The following KCNQ5 variants were observed in gnomAD, a reference collection of about 807,000 sequenced individuals.
The protein encoded by KCNQ5 is potassium voltage-gated channel subfamily Q member 5, also known as potassium voltage-gated channel subfamily KQT member 5.
In KCNQ5, 30 loss-of-function variants were observed where a neutral mutation model predicts 98.2. The ratio of observed to expected loss-of-function variants is 0.31; its 90% CI spans 0.23 to 0.41. The LOEUF (loss-of-function observed/expected upper bound fraction) is 0.41, where lower values mean the gene tolerates loss of function less well. Among genes scored for constraint, KCNQ5 ranks in the 10% least tolerant of loss-of-function variants. The pLI, the probability that KCNQ5 is intolerant of heterozygous loss-of-function variation, is 1.00. For missense variants in KCNQ5, 835 were observed against 1,182.5 expected, an observed-to-expected ratio of 0.71 and a Z score of 4.31; for synonymous variants, 458 against 449.4, an observed-to-expected ratio of 1.02 and a Z score of -0.24.
intron 1 of KCNQ5, among the ~76,000 whole-genome samples, chr6:72,917,815 C>T (rs1780221421): frequency 6.6e-6 from 1 of 152,090 alleles, no homozygotes; most frequent in South Asian, 2.1e-4. Flanking sequence ...GAAGGAAGGA[C>T]ATGCCCAAGA....
At chr6:72,726,210 T>TAAA (rs1561944389) in intron 1 of KCNQ5, among the ~76,000 whole-genome samples, 3 of 116,186 alleles carry the variant, frequency 2.6e-5, no homozygotes, top group African/African-American at 9.1e-5. Context: ...AAATTTAAAT[T>TAAA]TTTTTTTTTT....
At chr6:72,818,235 T>C (rs1251248327) in intron 1 of KCNQ5, among the ~76,000 whole-genome samples, 2 of 152,196 alleles carry the variant, frequency 1.3e-5, no homozygotes, top group African/African-American at 4.8e-5. Context: ...GGAAATTTCA[T>C]TGAGAAATCA....
chr6:73,113,101 T>G (rs899940886), intron 7 of KCNQ5, among the ~76,000 whole-genome samples: 9 of 152,170 alleles, frequency 5.9e-5, no homozygotes, highest in Non-Finnish European at 1.3e-4. Flanking sequence ...AGTCACACAC[T>G]TTAGGACACA....
chr6:72,885,487 A>T (rs760555846), intron 1 of KCNQ5, among the ~76,000 whole-genome samples: 2 of 152,222 alleles, frequency 1.3e-5, no homozygotes, highest in African/African-American at 4.8e-5. Context: ...TTTAAAAAGA[A>T]TGTACTAAAT....
At chr6:72,988,230 T>A (rs540246700) in intron 1 of KCNQ5, among the ~76,000 whole-genome samples, 24 of 152,266 alleles carry the variant, frequency 1.6e-4, no homozygotes, top group Non-Finnish European at 3.1e-4. Context: ...ATGAAATGGG[T>A]GCTATTATTA....
chr6:72,786,789 G>A lies in KCNQ5; in HGVS notation c.398+164202G>A, dbSNP rs779759715. The stretch of plus-strand genomic sequence containing the variant: ...TGGGAGGCAGAGGCGGGCGGATCAC[G>A]AGGTCAGGAGATTGAGACCATCCTG... On this transcript the variant is annotated intron_variant, in intron 1 of 13. Coordinates refer to ENST00000370398, the MANE Select transcript of KCNQ5 (RefSeq NM_019842.4). Among the ~76,000 whole-genome samples the A allele has an allele frequency of 4.6e-5, 7 of 151,854 alleles. No homozygotes were observed. The East Asian group carries it at 9.7e-4, about 21-fold the overall frequency.
chr6:72,874,716 G>A (rs1199052713), intron 1 of KCNQ5, among the ~76,000 whole-genome samples: 1 of 152,108 alleles, frequency 6.6e-6, no homozygotes, highest in Middle Eastern at 3.2e-3. Flanking sequence ...CAGCACACAA[G>A]AAACTGAGTG....
intron 1 of KCNQ5, among the ~76,000 whole-genome samples, chr6:72,795,752 A>T (rs1013669927): frequency 5.3e-5 from 8 of 152,212 alleles, no homozygotes; most frequent in Admixed American, 1.3e-4. Flanking sequence ...CCAAAAGTTT[A>T]CACAAAAATT....
In KCNQ5 at chr6:73,195,664, A is replaced by G. The variant is rs926485339; in HGVS notation, c.*250A>G. On this transcript the variant is annotated 3_prime_UTR_variant, in exon 14 of 14. Transcript: ENST00000370398. ...AGTTAAAAAGCCTGAGAAACCAAAC[A>G]CAGCTAATGCTATGGGGTGTATGAA... is the stretch of plus-strand genomic sequence containing the variant. The G allele has an allele frequency of 8.3e-6, 4 of 483,364 alleles. No individual in the cohort carries two copies. The Admixed American group carries it at 1.4e-4, about 16-fold the overall frequency. 29.9% of individuals were successfully genotyped at this position (483,364 alleles called of 1,614,324 possible). A position where few individuals can be genotyped will look rare whatever the true frequency, so the allele number is the denominator to read the frequency against.
chr6:73,000,931 C>T (rs1459985843), intron 1 of KCNQ5, among the ~76,000 whole-genome samples: 1 of 152,180 alleles, frequency 6.6e-6, no homozygotes, highest in African/African-American at 2.4e-5. Context: ...CCACTTAGCT[C>T]CAGACTCCCA....
At chr6:72,860,500 T>C (rs762297991) in intron 1 of KCNQ5, among the ~76,000 whole-genome samples, 2 of 152,114 alleles carry the variant, frequency 1.3e-5, no homozygotes, top group African/African-American at 4.8e-5. Context: ...ATGGGAGTAA[T>C]GATATAGAAA....
Position 72,704,890 on chromosome 6 carries a change from A to C in KCNQ5, c.398+82303A>C, listed in dbSNP as rs537792772. Among the ~76,000 whole-genome samples the C allele has an allele frequency of 2.0e-5, 3 of 152,252 alleles. No homozygotes were observed. The East Asian group carries it at 5.8e-4, about 29-fold the overall frequency. ...TTACAGAGAAAATGTTAACTTTGTAAATTTTGTTATGCCCCCCTCAGTTCA... is the reference window on the plus strand; with the variant it reads ...TTACAGAGAAAATGTTAACTTTGTACATTTTGTTATGCCCCCCTCAGTTCA... On this transcript the variant is annotated intron_variant, in intron 1 of 13. Transcript: ENST00000370398.
At chr6:72,799,323 G>A (rs1334102001) in intron 1 of KCNQ5, among the ~76,000 whole-genome samples, 1 of 152,104 alleles carries the variant, frequency 6.6e-6, no homozygotes, top group African/African-American at 2.4e-5. Flanking sequence ...AATCTCCTTT[G>A]CTTAAAGTCA....
chr6:73,102,820 GA>G (rs1160931108), intron 5 of KCNQ5, among the ~76,000 whole-genome samples: 1 of 152,154 alleles, frequency 6.6e-6, no homozygotes, highest in Non-Finnish European at 1.5e-5. Context: ...AGGATTTGGA[GA>G]AAAAGGAACC....
At chr6:73,065,037 G>A (rs1188333903) in intron 3 of KCNQ5, among the ~76,000 whole-genome samples, 4 of 116,052 alleles carry the variant, frequency 3.4e-5, no homozygotes, top group Non-Finnish European at 5.2e-5. Flanking sequence ...CAAGGGATTC[G>A]TCCTGTAGCA....
At chr6:72,699,453 C>G (rs1768683613) in intron 1 of KCNQ5, among the ~76,000 whole-genome samples, 1 of 152,168 alleles carries the variant, frequency 6.6e-6, no homozygotes, top group Non-Finnish European at 1.5e-5. Flanking sequence ...AGTAAGACCT[C>G]TCTTGGCTCC....
intron 1 of KCNQ5, among the ~76,000 whole-genome samples, chr6:72,743,194 C>A (rs977966644): frequency 1.3e-5 from 2 of 152,000 alleles, no homozygotes; most frequent in Non-Finnish European, 2.9e-5. Flanking sequence ...ATTTAAAGGT[C>A]AAACTATGGA....
chr6:72,657,394 T>G (rs1766251274), intron 1 of KCNQ5, among the ~76,000 whole-genome samples: 1 of 152,190 alleles, frequency 6.6e-6, no homozygotes, highest in Non-Finnish European at 1.5e-5. Context: ...AGAATCACAA[T>G]TTTTTCTCAT....
chr6:72,927,911 G>A (rs1157092901), intron 1 of KCNQ5, among the ~76,000 whole-genome samples: 3 of 151,894 alleles, frequency 2.0e-5, no homozygotes, highest in African/African-American at 7.2e-5. Context: ...AGGTATTCAA[G>A]AAACATTGGT....
Sources: gnomAD v4.1 joint callset for allele counts (sites outside exome capture counted in the v4.1 genomes callset) on GRCh38, gnomAD v4.1.1 for gene constraint, MANE v1.5 for transcripts, NCBI Gene and HGNC (gene_info 2026-07-23, HGNC 2026-07-21) for gene names.